Variants in TERF1 observed in about 807,000 individuals in gnomAD.
The protein encoded by TERF1 is telomeric repeat-binding factor 1.
In TERF1, 20 loss-of-function variants were observed where a neutral mutation model predicts 55.1. That is an observed-to-expected ratio of 0.36 (90% CI 0.26 to 0.53). The LOEUF is 0.53. TERF1 is among the 20% of genes least tolerant of loss of function. TERF1 has a pLI of 0.91. For missense variants in TERF1, 439 were observed against 535.7 expected, an observed-to-expected ratio of 0.82 and a Z score of 1.78; for synonymous variants, 168 against 181.2, an observed-to-expected ratio of 0.93 and a Z score of 0.59.
intron 8 of TERF1, among the ~76,000 whole-genome samples, chr8:73,033,560 C>G (rs1194138503): frequency 6.6e-6 from 1 of 152,094 alleles, no homozygotes; most frequent in Non-Finnish European, 1.5e-5. Flanking sequence ...TGGCGAAACC[C>G]CGTTTCTACT....
chr8:73,014,044 AAGACAATGGGAAGAAAC>A (rs1808388804), intron 2 of TERF1, 54 bp downstream of exon 2: 1 of 1,436,518 alleles, frequency 7.0e-7, no homozygotes, highest in African/African-American at 1.4e-5. Flanking sequence ...TTTCTAATGT[AAGACAATGGGAAGAAAC>A]AGACGTTTTT....
chr8:73,026,872 A>G, intron 5 of TERF1, 68 bp from the exon 6 acceptor site: 2 of 1,169,382 alleles, frequency 1.7e-6, no homozygotes, highest in Non-Finnish European at 2.5e-6. Context: ...GCTTAATTTA[A>G]TGCTATTTGT....
rs750169709 is a variant in TERF1 at position 73,008,984 on chromosome 8, G to C, written c.98G>C (p.Arg33Thr). Residue 33 changes from arginine (R) to threonine (T), a missense_variant, in exon 1 of 10, where the codon AGA becomes ACA. Physicochemically the swap from Arg to Thr is moderately conservative, Grantham distance 71. Transcript: ENST00000276603. ...GAGGAGCAGATGGCAGAAACAGAGA[G>C]AAACGACGAGGAGCAGTTCGAATGC... Reference protein sequence around the residue: ...PTEEQMAETERNDEEQFECQE... With the variant: ...PTEEQMAETETNDEEQFECQE... 4.0e-5 allele frequency: 64 copies of C among 1,612,196 alleles called. No homozygotes were observed. In the South Asian group the frequency reaches 6.7e-4, roughly 17 times the overall value.
At chr8:73,024,449 T>A (rs1235501150) in intron 4 of TERF1, among the ~76,000 whole-genome samples, 1 of 152,182 alleles carries the variant, frequency 6.6e-6, no homozygotes, top group Non-Finnish European at 1.5e-5. Context: ...TTCCTGGGAA[T>A]GGTGAATTCT....
chr8:73,034,657 A>C (rs981379587), intron 8 of TERF1, among the ~76,000 whole-genome samples: 1 of 152,236 alleles, frequency 6.6e-6, no homozygotes, highest in Non-Finnish European at 1.5e-5. Flanking sequence ...GAAAAAGCCA[A>C]ATCATCCAGA....
At chr8:73,026,471 G>A (rs1454146234) in intron 5 of TERF1, among the ~76,000 whole-genome samples, 1 of 152,206 alleles carries the variant, frequency 6.6e-6, no homozygotes, top group African/African-American at 2.4e-5. Flanking sequence ...CTGCACTCCA[G>A]CCTGGGTGAC....
rs1436959629 is a variant in TERF1 at position 73,037,162 on chromosome 8, TTTATA to T, written c.1040-1948_1040-1944del. On this transcript the variant is annotated intron_variant, in intron 8 of 9. Coordinates refer to ENST00000276603, the MANE Select transcript of TERF1 (RefSeq NM_017489.3). ...ATTTATATATTATAATATATAATAA[TTTATA>T]TTATAATATATAATATAATAATATA... Among the ~76,000 whole-genome samples, 10 of 105,464 alleles carry T rather than the reference TTTATA, an allele frequency of 9.5e-5. No individual in the cohort carries two copies. The East Asian group carries it at 1.5e-3, about 16-fold the overall frequency. The allele number at this position is 105,464 out of a possible 152,430, so 69.2% of individuals were successfully genotyped here. A position where few individuals can be genotyped will look rare whatever the true frequency, so the allele number is the denominator to read the frequency against.
At chr8:73,024,741 A>G in intron 4 of TERF1, 81 bp from the exon 5 acceptor site, 1 of 1,027,482 alleles carries the variant, frequency 9.7e-7, no homozygotes, top group Non-Finnish European at 1.4e-6. Flanking sequence ...ATTTCTTTTC[A>G]ATTAAATAAT....
At chr8:73,032,231 C>A in intron 8 of TERF1, 98 bp downstream of exon 8, 1 of 774,490 alleles carries the variant, frequency 1.3e-6, no homozygotes, top group Non-Finnish European at 2.0e-6. Context: ...ACACACACTT[C>A]AGAAAACTGA....
rs1362139898 is a variant in TERF1, at chr8:73,047,908, C to T, written c.*1771C>T. ...GCTATAGATCATCAAATCTAAGTTGCCATTAATTGTAAGATGTCCTGTTAT... is the reference window on the plus strand; with the variant it reads ...GCTATAGATCATCAAATCTAAGTTGTCATTAATTGTAAGATGTCCTGTTAT... On this transcript the variant is annotated 3_prime_UTR_variant, in exon 10 of 10. Coordinates refer to ENST00000276603, the MANE Select transcript of TERF1 (RefSeq NM_017489.3). The T allele has an allele frequency of 3.4e-4, 51 of 152,118 alleles. 1 individual carries two copies. Among genetic ancestry groups the T allele is most frequent in the Admixed American group, 3.3e-3 (51 of 15,268 alleles). The allele number at this position is 152,118 out of a possible 1,614,324, so 9.4% of individuals were successfully genotyped here. A position where few individuals can be genotyped will look rare whatever the true frequency, so the allele number is the denominator to read the frequency against.
At chr8:73,027,083 T>A in intron 6 of TERF1, 31 bp downstream of exon 6, 1 of 1,509,916 alleles carries the variant, frequency 6.6e-7, no homozygotes, top group Non-Finnish European at 9.1e-7. Flanking sequence ...GTATATTTTT[T>A]GTTTTATGAA....
intron 2 of TERF1, among the ~76,000 whole-genome samples, chr8:73,014,537 A>G (rs1808415219): frequency 6.6e-6 from 1 of 152,204 alleles, no homozygotes. Flanking sequence ...TTGTCTCTGT[A>G]GTTCCATTTT....
rs1029171308 is a variant in TERF1, at chr8:73,039,228, T to C, written c.1143+9T>C. ...GAGCTAGAAAAAGACAGGTATTTGGTTTTTTAAAATTCGAATAACGCTTAT... is the reference window on the plus strand; with the variant it reads ...GAGCTAGAAAAAGACAGGTATTTGGCTTTTTAAAATTCGAATAACGCTTAT... On this transcript the variant is annotated intron_variant, in intron 9 of 9. Transcript: ENST00000276603. The C allele has an allele frequency of 1.3e-6, 2 of 1,570,412 alleles. No individual in the cohort carries two copies. The highest frequency in any genetic ancestry group is 2.7e-5 in the African/African-American group (2 of 73,096).
chr8:73,016,530 T>C (rs1808511780), intron 2 of TERF1, among the ~76,000 whole-genome samples: 1 of 151,408 alleles, frequency 6.6e-6, no homozygotes, highest in East Asian at 1.9e-4. Context: ...ACTCTTGAGC[T>C]CAAGTGATCC....
chr8:73,025,378 G>A (rs886608328), intron 5 of TERF1, among the ~76,000 whole-genome samples: 1 of 152,132 alleles, frequency 6.6e-6, no homozygotes, highest in Non-Finnish European at 1.5e-5. Context: ...TGTAATGCTA[G>A]CACTTTGGGA....
At chr8:73,009,450 C>G (rs996211509) in intron 1 of TERF1, 2 of 543,456 alleles carry the variant, frequency 3.7e-6, no homozygotes, top group Non-Finnish European at 6.5e-6. Context: ...AGGTTTGATG[C>G]AAGCATTAAA....
rs56030129 is a variant in TERF1 at position 73,040,595 on chromosome 8, A to G, written c.1143+1376A>G. Among the ~76,000 whole-genome samples, 420 of 152,154 alleles carry G rather than the reference A, an allele frequency of 2.8e-3. 1 individual carries two copies. Among genetic ancestry groups the G allele is most frequent in the African/African-American group, 9.8e-3 (406 of 41,522 alleles). ...TGTACATGTATATAGTTTGTTATTT[A>G]TCCTGCTTGGTATTTTCTGAGCTTC... On this transcript the variant is annotated intron_variant, in intron 9 of 9. Transcript: ENST00000276603.
At position 73,026,726 on chromosome 8, in the gene TERF1, T is replaced by G. The variant is rs16938555; in HGVS notation, c.775-214T>G. 0.016 allele frequency among the ~76,000 whole-genome samples: 2,379 copies of G among 152,124 alleles called. 61 individuals are homozygous for G. Among genetic ancestry groups the G allele is most frequent in the African/African-American group, 0.055 (2,270 of 41,472 alleles). ...ATATATTTACAAGGAAAGACCACCT[T>G]CGTAACGCTGATAAACCAAGCAGAT... On this transcript the variant is annotated intron_variant, in intron 5 of 9. Coordinates refer to ENST00000276603, the MANE Select transcript of TERF1 (RefSeq NM_017489.3).
intron 7 of TERF1, chr8:73,030,634 A>G (rs1809245313): frequency 2.9e-6 from 1 of 344,730 alleles, no homozygotes; most frequent in East Asian, 4.4e-5. Flanking sequence ...ATACACATAT[A>G]GGGAGTTCTT....
Sources: allele counts gnomAD v4.1 joint callset (sites outside exome capture counted in the v4.1 genomes callset), GRCh38; gene constraint gnomAD v4.1.1; transcripts MANE v1.5; gene names NCBI Gene and HGNC (gene_info 2026-07-23, HGNC 2026-07-21).